CCDC39: variants seen among roughly 807,000 people sequenced by gnomAD.
CCDC39 encodes the protein coiled-coil domain-containing protein 39.
Under a neutral mutation model 121.0 loss-of-function variants are expected in CCDC39, and 113 were observed. That is an observed-to-expected ratio of 0.93 (90% CI 0.80 to 1.09). The LOEUF (loss-of-function observed/expected upper bound fraction) is 1.09. Ranked by LOEUF, CCDC39 falls within the 50% of genes least tolerant of loss-of-function variation. The probability of loss-of-function intolerance (pLI) is 0.00; values close to 1 mark genes in which losing one functional copy is unlikely to be tolerated. For missense variants in CCDC39, 1,063 were observed against 1,074.7 expected, an observed-to-expected ratio of 0.99 and a Z score of 0.15; for synonymous variants, 349 against 352.2, an observed-to-expected ratio of 0.99 and a Z score of 0.10.
At chr3:180,669,761 A>G (rs1711981323) in intron 1 of CCDC39, among the ~76,000 whole-genome samples, 1 of 152,132 alleles carries the variant, frequency 6.6e-6, no homozygotes, top group Non-Finnish European at 1.5e-5. Context: ...CCTGTTTCAC[A>G]ATTTCCTTAT....
At chr3:180,642,242 T>A in intron 12 of CCDC39, 41 bp from the exon 13 acceptor site, 2 of 1,381,850 alleles carry the variant, frequency 1.4e-6, no homozygotes, top group East Asian at 2.5e-5. Context: ...AAATTATTTT[T>A]AATTGCAAAA....
At chr3:180,623,541 G>A (rs1717483545) in intron 14 of CCDC39, among the ~76,000 whole-genome samples, 1 of 151,862 alleles carries the variant, frequency 6.6e-6, no homozygotes. Flanking sequence ...GAGGTGCAGT[G>A]TTAGGTTGTT....
rs1218919290 is a variant in CCDC39, at chr3:180,614,378, GGGGGT to G, written c.*538_*542del. ...GTTTCTCTTACCGGTTTTTTTTTGG[GGGGGT>G]GGGGTGGGTAGGGGTTGATGCTATT... is the stretch of plus-strand genomic sequence containing the variant. On this transcript the variant is annotated 3_prime_UTR_variant, in exon 20 of 20. Transcript: ENST00000476379. The G allele has an allele frequency of 6.6e-6, 1 of 150,396 alleles. No homozygotes were observed. The highest frequency in any genetic ancestry group is 2.4e-5 in the African/African-American group (1 of 40,902). 9.3% of individuals were successfully genotyped at this position (150,396 alleles called of 1,614,324 possible).
Position 180,631,507 on chromosome 3 carries a change from C to T in CCDC39, c.1960G>A (p.Gly654Arg), listed in dbSNP as rs371143749. 264 of 1,607,788 alleles carry T rather than the reference C, an allele frequency of 1.6e-4. No homozygotes were observed. The highest frequency in any genetic ancestry group is 2.2e-4 in the Non-Finnish European group (259 of 1,178,892). ...TAGGCCTGTGTTTTCTCCTCTTCTC[C>T]TTCAGGAGGCAGCATAACAACAGTC... is the stretch of plus-strand genomic sequence containing the variant. The part of the protein sequence containing the change: ...ILTVVMLPPE[G>R]EEEKTQAYYV... The change falls in exon 14 of 20, where the codon GGA becomes AGA. Residue 654 changes from glycine to arginine, a missense_variant. Physicochemically the swap from Gly to Arg is moderately radical, Grantham distance 125. Coordinates refer to ENST00000476379, the MANE Select transcript of CCDC39 (RefSeq NM_181426.2).
chr3:180,624,708 C>T (rs112737339), intron 14 of CCDC39, among the ~76,000 whole-genome samples: 65 of 152,206 alleles, frequency 4.3e-4, no homozygotes, highest in African/African-American at 1.5e-3. Flanking sequence ...TTAGTGTTTG[C>T]TTTGCTGGGT....
intron 1 of CCDC39, among the ~76,000 whole-genome samples, chr3:180,678,889 T>C (rs1472006967): frequency 6.6e-6 from 1 of 152,136 alleles, no homozygotes; most frequent in African/African-American, 2.4e-5. Flanking sequence ...GAGTTTAATT[T>C]ATAAACGTGC....
chr3:180,635,922 T>C lies in CCDC39; in HGVS notation c.1875-4330A>G, dbSNP rs111876391. On this transcript the variant is annotated intron_variant, in intron 13 of 19. Coordinates refer to ENST00000476379, the MANE Select transcript of CCDC39 (RefSeq NM_181426.2). ...GTCAACTCCTCTTCATGTTAAAAAT[T>C]CTCAGTAAATTAGGCGTTGAAGGAA... Among the ~76,000 whole-genome samples, 945 of 152,270 alleles carry C rather than the reference T, an allele frequency of 6.2e-3. 17 individuals are homozygous for C. Among genetic ancestry groups the C allele is most frequent in the African/African-American group, 0.02 (843 of 41,542 alleles).
intron 1 of CCDC39, among the ~76,000 whole-genome samples, chr3:180,674,194 A>G (rs140113512): frequency 0.054 from 8,177 of 152,148 alleles, 312 homozygotes; most frequent in South Asian, 0.096. Context: ...GGTCTTTCAC[A>G]TCCCTTGTAA....
chr3:180,638,193 G>T (rs1324283530), intron 13 of CCDC39, among the ~76,000 whole-genome samples: 2 of 152,088 alleles, frequency 1.3e-5, no homozygotes, highest in African/African-American at 4.8e-5. Context: ...GATAAAGAGA[G>T]TGTCCCAAAG....
intron 14 of CCDC39, among the ~76,000 whole-genome samples, chr3:180,622,648 T>C (rs201404518): frequency 1.3e-5 from 2 of 152,186 alleles, no homozygotes; most frequent in East Asian, 3.8e-4. Flanking sequence ...CACATTGCTT[T>C]ATCTGCATCT....
intron 15 of CCDC39, 120 bp downstream of exon 15, chr3:180,619,691 A>T: frequency 1.6e-6 from 1 of 625,238 alleles, no homozygotes; most frequent in Non-Finnish European, 2.6e-6. Flanking sequence ...AAAAGGGATT[A>T]GTTTTTCTGA....
In CCDC39 at chr3:180,651,443, AG is replaced by A. The variant is rs761658676; in HGVS notation, c.1124del (p.Thr375IlefsTer7). 1 of 1,558,974 alleles carries A rather than the reference AG, an allele frequency of 6.4e-7. No individual in the cohort carries two copies. Among genetic ancestry groups the A allele is most frequent in the Non-Finnish European group, 8.7e-7 (1 of 1,149,612 alleles). On this transcript the variant is annotated frameshift_variant, in exon 9 of 20. Coordinates refer to ENST00000476379, the MANE Select transcript of CCDC39 (RefSeq NM_181426.2). LOFTEE classifies it high-confidence loss of function. ...EKTMSVEEKA[T>X]NLEDMLKEEE... ...CCTCCTTTAGCATATCTTCCAAATT[AG>A]TAGCTTTCTCTTCTACAGACATGGT...
At chr3:180,656,943 C>T (rs1210882666) in intron 6 of CCDC39, among the ~76,000 whole-genome samples, 1 of 152,112 alleles carries the variant, frequency 6.6e-6, no homozygotes, top group Non-Finnish European at 1.5e-5. Context: ...AAGAAATAAC[C>T]ATAAAAATGG....
chr3:180,654,310 T>A (rs1441782125), intron 7 of CCDC39, among the ~76,000 whole-genome samples: 5 of 150,070 alleles, frequency 3.3e-5, no homozygotes, highest in African/African-American at 1.2e-4. Context: ...ATTAAAGACT[T>A]AAATATAAGA....
At chr3:180,634,245 C>G (rs1002752384) in intron 13 of CCDC39, among the ~76,000 whole-genome samples, 2 of 151,684 alleles carry the variant, frequency 1.3e-5, no homozygotes, top group African/African-American at 4.8e-5. Context: ...GCTTCTGCCA[C>G]TGGCTCTGCA....
In CCDC39 at chr3:180,659,669, A is replaced by T; in HGVS notation, c.609+8T>A. The T allele has an allele frequency of 6.2e-7, 1 of 1,606,718 alleles. No individual in the cohort carries two copies. The highest frequency in any genetic ancestry group is 8.5e-7 in the Non-Finnish European group (1 of 1,177,550). ...AAATTAAGAAATAAAAATCTTCCTT[A>T]AACTAACCTGTGCGCTTATAGTCTC... On this transcript the variant is annotated splice_region_variant and intron_variant, in intron 5 of 19. Transcript: ENST00000476379.
At chr3:180,655,135 C>T (rs1449433537) in intron 6 of CCDC39, among the ~76,000 whole-genome samples, 182 bp from the exon 7 acceptor site, 1 of 151,902 alleles carries the variant, frequency 6.6e-6, no homozygotes, top group Non-Finnish European at 1.5e-5. Context: ...ATATTAATGT[C>T]TATAAATTCA....
Position 180,647,100 on chromosome 3 carries a change from T to C in CCDC39, c.1506A>G (p.Glu502=), listed in dbSNP as rs764926561. ...TTACATGAAGCTTCTTGATCTGTGT[T>C]TCCAAAAGGCCACATGTAGATTTTT... is the stretch of plus-strand genomic sequence containing the variant. ...EEKKSTCGLL[E]TQIKKLHNDL... The change falls in exon 11 of 20, where the codon GAA becomes GAG. Residue 502 remains glutamate, a synonymous_variant. Transcript: ENST00000476379. The C allele has an allele frequency of 1.9e-5, 31 of 1,607,988 alleles. No individual in the cohort carries two copies. The South Asian group carries it at 3.4e-4, about 17-fold the overall frequency.
At chr3:180,625,973 C>T (rs1392203664) in intron 14 of CCDC39, among the ~76,000 whole-genome samples, 1 of 151,918 alleles carries the variant, frequency 6.6e-6, no homozygotes, top group East Asian at 1.9e-4. Flanking sequence ...GTAGCTTGCT[C>T]AGATGTTGGT....
Sources: allele counts gnomAD v4.1 joint callset (sites outside exome capture counted in the v4.1 genomes callset), GRCh38; gene constraint gnomAD v4.1.1; transcripts MANE v1.5; gene names NCBI Gene and HGNC (gene_info 2026-07-23, HGNC 2026-07-21).